Variants in SLC16A9 observed in about 807,000 individuals in gnomAD.
SLC16A9 encodes solute carrier family 16 member 9.
In SLC16A9, 26 loss-of-function variants were observed where a neutral mutation model predicts 44.3. The observed-to-expected ratio is 0.59, with a 90% CI of 0.43 to 0.81. The LOEUF (loss-of-function observed/expected upper bound fraction) is 0.81, where lower values mean the gene tolerates loss of function less well. Ranked by LOEUF, SLC16A9 falls within the 40% of genes least tolerant of loss-of-function variation. SLC16A9 has a pLI of 0.00. For synonymous variants in SLC16A9, 230 were observed against 225.1 expected, an observed-to-expected ratio of 1.02 and a Z score of -0.19; for missense variants, 559 against 595.8, an observed-to-expected ratio of 0.94 and a Z score of 0.64.
Position 59,694,707 on chromosome 10 carries a change from G to A in SLC16A9, c.-36-10380C>T, listed in dbSNP as rs1030195099. On this transcript the variant is annotated intron_variant, in intron 1 of 5. Coordinates refer to ENST00000395348, the MANE Select transcript of SLC16A9 (RefSeq NM_194298.3). ...TCCCAGCTACTTGGGGGCTGAGACA[G>A]GAGAATCGCTTAAACCCAGGAGGTG... Among the ~76,000 whole-genome samples the A allele has an allele frequency of 2.0e-5, 3 of 150,134 alleles. No individual in the cohort carries two copies. In the East Asian group the frequency reaches 5.9e-4, roughly 29 times the overall value.
At chr10:59,657,718 T>G (rs145760373) in intron 4 of SLC16A9, among the ~76,000 whole-genome samples, 4 of 152,338 alleles carry the variant, frequency 2.6e-5, no homozygotes, top group Non-Finnish European at 2.9e-5. Flanking sequence ...GTCAGAATTA[T>G]AACTGCTAAC....
chr10:59,657,913 G>A (rs1759804653), intron 4 of SLC16A9, among the ~76,000 whole-genome samples: 1 of 152,118 alleles, frequency 6.6e-6, no homozygotes, highest in Admixed American at 6.6e-5. Context: ...CCGTGATAAG[G>A]TCAGGGGGAT....
chr10:59,654,367 T>G lies in SLC16A9; in HGVS notation c.659A>C (p.Asn220Thr). The G allele has an allele frequency of 1.9e-6, 3 of 1,614,038 alleles. No homozygotes were observed. The highest frequency in any genetic ancestry group is 2.5e-6 in the Non-Finnish European group (3 of 1,180,020). Residue 220 changes from asparagine (N) to threonine (T), a missense_variant, in exon 5 of 6, where the codon AAT (asparagine) becomes ACT (threonine). Transcript: ENST00000395348. ...KYSIYNEKGK[N>T]LEENINILDK... ...AAGAATGTTTATGTTTTCTTCCAGA[T>G]TCTTTCCTTTTTCATTGTAAATGGA...
At chr10:59,710,053 T>C (rs1331222986), upstream of SLC16A9, 1 of 151,940 alleles carries the variant, frequency 6.6e-6, no homozygotes, top group African/African-American at 2.4e-5. Flanking sequence ...GTGGGCGCCG[T>C]CGGCCAGGCG....
At chr10:59,678,952 T>C (rs1177697) in intron 2 of SLC16A9, among the ~76,000 whole-genome samples, 86,368 of 151,930 alleles carry the variant, frequency 0.57, 25,164 homozygotes, top group East Asian at 0.81. Context: ...TTAGGGGTAA[T>C]GCCCAAACCC....
At chr10:59,665,330 T>C (rs1839584973) in intron 3 of SLC16A9, among the ~76,000 whole-genome samples, 1 of 152,206 alleles carries the variant, frequency 6.6e-6, no homozygotes, top group Non-Finnish European at 1.5e-5. Flanking sequence ...ATGTGAATTA[T>C]TAAGGCCATT....
chr10:59,693,878 A>G (rs901143349), intron 1 of SLC16A9, among the ~76,000 whole-genome samples: 4 of 150,564 alleles, frequency 2.7e-5, no homozygotes, highest in Non-Finnish European at 5.9e-5. Flanking sequence ...CTGCCTCCCA[A>G]AGTGCTGGGA....
At chr10:59,708,301 T>TA (rs1589005180) in intron 1 of SLC16A9, among the ~76,000 whole-genome samples, 1 of 152,224 alleles carries the variant, frequency 6.6e-6, no homozygotes, top group African/African-American at 2.4e-5. Context: ...TTAGAAGTTT[T>TA]AAAAGAAGCT....
At chr10:59,695,246 G>C (rs745723667) in intron 1 of SLC16A9, among the ~76,000 whole-genome samples, 55 of 152,126 alleles carry the variant, frequency 3.6e-4, no homozygotes, top group Non-Finnish European at 5.9e-4. Context: ...GGTAGTGATG[G>C]TTGTACTACT....
At chr10:59,658,127 A>G (rs1280064494) in intron 4 of SLC16A9, among the ~76,000 whole-genome samples, 1 of 152,176 alleles carries the variant, frequency 6.6e-6, no homozygotes, top group Non-Finnish European at 1.5e-5. Context: ...ATTCCCTTGT[A>G]TTGATTCTAG....
intron 2 of SLC16A9, among the ~76,000 whole-genome samples, chr10:59,681,762 G>GATGTAT (rs749476224): frequency 3.0e-4 from 1 of 3,326 alleles, no homozygotes; most frequent in African/African-American, 3.5e-4. Flanking sequence ...ATATGTATAT[G>GATGTAT]ATGTATATGT....
chr10:59,696,712 T>G (rs1174856460), intron 1 of SLC16A9, among the ~76,000 whole-genome samples: 1 of 148,426 alleles, frequency 6.7e-6, no homozygotes, highest in African/African-American at 2.5e-5. Context: ...ACCTCTGCCC[T>G]GCCGCCCCGT....
In SLC16A9 at chr10:59,653,911, A is replaced by G. The variant is rs1166021133; in HGVS notation, c.1115T>C (p.Leu372Ser). Reference protein sequence around the residue: ...ILADFKWINTLYLYVATLIIM... With the variant: ...ILADFKWINTSYLYVATLIIM... Reference sequence around the variant, plus strand: ...GATTAAGGTAGCAACATAAAGATACAAGGTATTAATCCACTTGAAGTCAGC... The same window carrying G: ...GATTAAGGTAGCAACATAAAGATACGAGGTATTAATCCACTTGAAGTCAGC... The change falls in exon 5 of 6, where the codon TTG becomes TCG. Residue 372 changes from leucine to serine, a missense_variant. Leu to Ser is a moderately radical substitution (Grantham distance 145). Coordinates refer to ENST00000395348, the MANE Select transcript of SLC16A9 (RefSeq NM_194298.3). 1.9e-6 allele frequency: 3 copies of G among 1,614,182 alleles called. No individual in the cohort carries two copies. The South Asian group carries it at 3.3e-5, about 18-fold the overall frequency.
chr10:59,679,738 C>T (rs1291379853), intron 2 of SLC16A9, among the ~76,000 whole-genome samples: 1 of 152,180 alleles, frequency 6.6e-6, no homozygotes, highest in African/African-American at 2.4e-5. Flanking sequence ...AACTGACCGT[C>T]ACACCTCCCA....
intron 1 of SLC16A9, among the ~76,000 whole-genome samples, chr10:59,685,268 C>G (rs1031187146): frequency 1.3e-5 from 2 of 152,116 alleles, no homozygotes; most frequent in African/African-American, 4.8e-5. Context: ...TGGCTGTATG[C>G]TTGCTTATTT....
intron 1 of SLC16A9, among the ~76,000 whole-genome samples, chr10:59,707,311 A>G (rs1488187739): frequency 1.2e-5 from 1 of 84,142 alleles, no homozygotes; most frequent in Non-Finnish European, 2.2e-5. Context: ...AGGGAAGGGA[A>G]GGGAAGGGAA....
chr10:59,694,801 A>AATATATATGTAT (rs1840332655), intron 1 of SLC16A9, among the ~76,000 whole-genome samples: 1 of 72,462 alleles, frequency 1.4e-5, no homozygotes, highest in Non-Finnish European at 3.2e-5. Context: ...CTCCATCTCA[A>AATATATATGTAT]ATATATATAT....
chr10:59,692,639 A>C (rs1219693657), intron 1 of SLC16A9, among the ~76,000 whole-genome samples: 2 of 152,218 alleles, frequency 1.3e-5, no homozygotes. Flanking sequence ...ACTCCAATGT[A>C]GGTAACAAGT....
chr10:59,700,000 T>C (rs1840488268), intron 1 of SLC16A9, among the ~76,000 whole-genome samples: 1 of 151,912 alleles, frequency 6.6e-6, no homozygotes, highest in Non-Finnish European at 1.5e-5. Context: ...GGTAATGGCA[T>C]TTTTCAACAT....
Sources: allele counts gnomAD v4.1 joint callset (sites outside exome capture counted in the v4.1 genomes callset), GRCh38; gene constraint gnomAD v4.1.1; transcripts MANE v1.5; gene names NCBI Gene and HGNC (gene_info 2026-07-23, HGNC 2026-07-21).